STEAP4: variants seen among roughly 807,000 people sequenced by gnomAD.
STEAP4 encodes the protein STEAP4 metalloreductase.
Under a neutral mutation model 43.6 loss-of-function variants are expected in STEAP4, and 36 were observed. The observed-to-expected ratio is 0.83, with a 90% confidence interval of 0.63 to 1.09. The LOEUF is 1.09. Ranked by LOEUF, STEAP4 falls within the 50% of genes least tolerant of loss-of-function variation. The pLI, the probability that STEAP4 is intolerant of heterozygous loss-of-function variation, is 0.00. For synonymous variants in STEAP4, 191 were observed against 196.7 expected (o/e 0.97, Z 0.24); for missense variants, 495 against 546.5 (o/e 0.91, Z 0.94).
intron 1 of STEAP4, among the ~76,000 whole-genome samples, chr7:88,288,821 A>C (rs900523753): frequency 1.3e-5 from 2 of 152,162 alleles, no homozygotes; most frequent in African/African-American, 4.8e-5. Flanking sequence ...AATATTACCC[A>C]AAACTAAAAA....
intron 1 of STEAP4, among the ~76,000 whole-genome samples, chr7:88,301,224 G>T (rs922479200): frequency 2.0e-5 from 3 of 152,146 alleles, no homozygotes; most frequent in Admixed American, 6.5e-5. Context: ...TGCCACTTAT[G>T]TCAGGGAATT....
At position 88,281,040 on chromosome 7, in the gene STEAP4, C is replaced by T. The variant is rs1852610702; in HGVS notation, c.1024G>A (p.Ala342Thr). 1 of 1,611,164 alleles carries T rather than the reference C, an allele frequency of 6.2e-7. No homozygotes were observed. Among genetic ancestry groups the T allele is most frequent in the Non-Finnish European group, 8.5e-7 (1 of 1,179,042 alleles). The change falls in exon 4 of 5, where the codon GCC becomes ACC. Residue 342 changes from alanine (A) to threonine (T), a missense_variant. Ala to Thr is a moderately conservative substitution (Grantham distance 58). Coordinates refer to ENST00000380079, the MANE Select transcript of STEAP4 (RefSeq NM_024636.4). ...GCCACATATGAATCACTGAGCCAGG[C>T]TGAGGAGGTGCTAAATGGATTCTCC... Reference protein sequence around the residue: ...KKENPFSTSSAWLSDSYVALG... With the variant: ...KKENPFSTSSTWLSDSYVALG...
At chr7:88,299,267 T>A (rs1309004162) in intron 1 of STEAP4, among the ~76,000 whole-genome samples, 3 of 152,192 alleles carry the variant, frequency 2.0e-5, no homozygotes, top group Non-Finnish European at 4.4e-5. Flanking sequence ...CAAGATAAAT[T>A]AAGATTGTTT....
At chr7:88,304,915 T>A (rs1853103683) in intron 1 of STEAP4, among the ~76,000 whole-genome samples, 1 of 152,112 alleles carries the variant, frequency 6.6e-6, no homozygotes, top group Non-Finnish European at 1.5e-5. Flanking sequence ...AGAGACAAAG[T>A]AATGCAGAGT....
At chr7:88,294,692 A>C (rs1852897254) in intron 1 of STEAP4, among the ~76,000 whole-genome samples, 1 of 152,026 alleles carries the variant, frequency 6.6e-6, no homozygotes, top group Admixed American at 6.6e-5. Flanking sequence ...AAATGGTGGT[A>C]CTTTCTTTTC....
At chr7:88,299,922 A>G (rs1853001377) in intron 1 of STEAP4, among the ~76,000 whole-genome samples, 1 of 152,174 alleles carries the variant, frequency 6.6e-6, no homozygotes, top group African/African-American at 2.4e-5. Context: ...CACAATGCTT[A>G]TGAATATAGC....
At chr7:88,283,508 C>T in intron 2 of STEAP4, 1 of 490,378 alleles carries the variant, frequency 2.0e-6, no homozygotes, top group Non-Finnish European at 3.6e-6. Flanking sequence ...GAACCAGTTT[C>T]ATACAAGGTA....
chr7:88,284,431 A>G (rs1009770947), intron 1 of STEAP4, among the ~76,000 whole-genome samples, 160 bp from the exon 2 acceptor site: 1 of 152,178 alleles, frequency 6.6e-6, no homozygotes, highest in Non-Finnish European at 1.5e-5. Flanking sequence ...ATTGTCATAT[A>G]TATTTCCCCC....
Position 88,279,552 on chromosome 7 carries a change from G to A in STEAP4, c.1226C>T (p.Pro409Leu). ...LVYGGKRFLS[P>L]SNLRWYLPAA... is the part of the protein sequence containing the mutation. Reference sequence around the variant, plus strand: ...AGGAAGATACCATCTGAGATTTGAAGGGCTGAGGAATCTCTTCCCACCGTA... The same window carrying A: ...AGGAAGATACCATCTGAGATTTGAAAGGCTGAGGAATCTCTTCCCACCGTA... The change falls in exon 5 of 5, where the codon CCT becomes CTT. Residue 409 changes from proline (P) to leucine (L), a missense_variant. Transcript: ENST00000380079. 2 of 1,614,030 alleles carry A rather than the reference G, an allele frequency of 1.2e-6. No homozygotes were observed. Among genetic ancestry groups the A allele is most frequent in the Non-Finnish European group, 1.7e-6 (2 of 1,179,998 alleles).
intron 1 of STEAP4, among the ~76,000 whole-genome samples, chr7:88,288,617 T>G (rs1453079501): frequency 6.6e-6 from 1 of 152,172 alleles, no homozygotes; most frequent in Non-Finnish European, 1.5e-5. Flanking sequence ...TAAAAATAAA[T>G]AACTTCTGCA....
At chr7:88,292,921 G>T (rs1034861621) in intron 1 of STEAP4, 5 of 152,080 alleles carry the variant, frequency 3.3e-5, no homozygotes, top group Admixed American at 6.6e-5. Context: ...CTTCATCTAA[G>T]GTAGGACATT....
chr7:88,281,865 T>G (rs536843144), intron 3 of STEAP4: 1 of 152,346 alleles, frequency 6.6e-6, no homozygotes, highest in East Asian at 1.9e-4. Flanking sequence ...AAGGGAATTA[T>G]AAGCGCTCTT....
At chr7:88,301,808 T>C (rs1235220506) in intron 1 of STEAP4, among the ~76,000 whole-genome samples, 1 of 152,198 alleles carries the variant, frequency 6.6e-6, no homozygotes, top group African/African-American at 2.4e-5. Context: ...ACTCCTGAGC[T>C]CAGGCAATCC....
At chr7:88,298,508 C>T (rs1048428780) in intron 1 of STEAP4, among the ~76,000 whole-genome samples, 1 of 150,854 alleles carries the variant, frequency 6.6e-6, no homozygotes, top group Non-Finnish European at 1.5e-5. Flanking sequence ...CACACACACA[C>T]ACCTTTTACT....
chr7:88,283,750 T>C, intron 2 of STEAP4, 64 bp downstream of exon 2: 1 of 1,480,776 alleles, frequency 6.8e-7, no homozygotes, highest in Non-Finnish European at 9.1e-7. Context: ...TTGGAATCTT[T>C]GAGGCAAGTG....
chr7:88,300,566 C>T (rs1446067426), intron 1 of STEAP4, among the ~76,000 whole-genome samples: 1 of 152,144 alleles, frequency 6.6e-6, no homozygotes, highest in Non-Finnish European at 1.5e-5. Flanking sequence ...TTTTTAATCT[C>T]AGCCTTTCAG....
rs777226505 is a variant in STEAP4, at chr7:88,279,509, C to A, written c.1269G>T (p.Gly423=). The change falls in exon 5 of 5, where the codon GGG becomes GGT. Residue 423 remains glycine (G), a synonymous_variant. Coordinates refer to ENST00000380079, the MANE Select transcript of STEAP4 (RefSeq NM_024636.4). ...RWYLPAAYVL[G]LIIPCTVLVI... ...CCAGCACAGTGCAAGGAATGATAAG[C>A]CCTAACACGTAGGCTGCAGGAAGAT... The A allele has an allele frequency of 2.5e-6, 4 of 1,613,990 alleles. No homozygotes were observed. In the African/African-American group the frequency reaches 5.3e-5, roughly 22 times the overall value.
intron 1 of STEAP4, among the ~76,000 whole-genome samples, chr7:88,286,453 A>C (rs1330258391): frequency 6.6e-6 from 1 of 152,024 alleles, no homozygotes; most frequent in Non-Finnish European, 1.5e-5. Flanking sequence ...TTTTAAACTT[A>C]TAATTTGATC....
chr7:88,303,016 A>T (rs2098391817), intron 1 of STEAP4, among the ~76,000 whole-genome samples: 1 of 151,188 alleles, frequency 6.6e-6, no homozygotes, highest in African/African-American at 2.4e-5. Flanking sequence ...TATTCTACTA[A>T]TAATCTTCCA....
Sources: allele counts gnomAD v4.1 joint callset (sites outside exome capture counted in the v4.1 genomes callset), GRCh38; gene constraint gnomAD v4.1.1; transcripts MANE v1.5; gene names NCBI Gene and HGNC (gene_info 2026-07-23, HGNC 2026-07-21).